Variants in FCAMR observed in about 807,000 individuals in gnomAD.
FCAMR encodes high affinity immunoglobulin alpha and immunoglobulin mu Fc receptor.
FCAMR carries 51 observed loss-of-function variants against 52.2 expected under a neutral mutation model. The observed-to-expected ratio is 0.98, with a 90% CI of 0.78 to 1.23. The LOEUF (loss-of-function observed/expected upper bound fraction) is 1.23. FCAMR is among the 50% of genes most tolerant of loss of function. FCAMR has a pLI of 0.00. For missense variants in FCAMR, 719 were observed against 712.6 expected, an observed-to-expected ratio of 1.01 and a Z score of -0.10; for synonymous variants, 282 against 262.0, an observed-to-expected ratio of 1.08 and a Z score of -0.74.
chr1:206,958,536 C>A lies in FCAMR; in HGVS notation c.1714G>T (p.Glu572Ter). 1 of 1,612,634 alleles carries A rather than the reference C, an allele frequency of 6.2e-7. No individual in the cohort carries two copies. The highest frequency in any genetic ancestry group is 8.5e-7 in the Non-Finnish European group (1 of 1,179,786). ...LPAGASLTAP[E>*]RNPGP ...GTCCCTCAGGGTCCTGGATTTCTCT[C>A]TGGGGCAGTCAGGCTGGCCCCAGCA... The change falls in exon 8 of 8, where the codon GAG becomes TAG. Residue 572 changes from glutamate to a stop codon, truncating the protein, a stop_gained. Transcript: ENST00000324852. LOFTEE classifies it high-confidence loss of function.
At chr1:206,969,375 C>G (rs1321878715) in intron 1 of FCAMR, 1 of 444,488 alleles carries the variant, frequency 2.2e-6, no homozygotes, top group Admixed American at 2.4e-5. Flanking sequence ...GGATAATACT[C>G]AACGGAATGT....
At position 206,960,793 on chromosome 1, in the gene FCAMR, C is replaced by T. The variant is rs1439774977; in HGVS notation, c.1083G>A (p.Gly361=). 5 of 1,552,382 alleles carry T rather than the reference C, an allele frequency of 3.2e-6. No homozygotes were observed. The African/African-American group carries it at 5.5e-5, about 17-fold the overall frequency. Residue 361 remains glycine (G), a synonymous_variant, in exon 6 of 8, where the codon GGG becomes GGA. Transcript: ENST00000324852. ...TGGCTGCATCAAGAGCTATCCTGACCCCCTCTATGTCCTCCCTTGGCCTAT... is the reference window on the plus strand; with the variant it reads ...TGGCTGCATCAAGAGCTATCCTGACTCCCTCTATGTCCTCCCTTGGCCTAT... ...KADRPREDIE[G]VRIALDAAKK... is the part of the protein sequence containing the mutation.
chr1:206,967,154 T>A, intron 2 of FCAMR, 42 bp from the exon 3 acceptor site: 15 of 1,570,026 alleles, frequency 9.6e-6, no homozygotes, highest in African/African-American at 1.4e-5. Flanking sequence ...TGAGAGAAGC[T>A]GGGTGAGGGT....
rs546302574 is a variant in FCAMR at position 206,962,435 on chromosome 1, G to C, written c.430C>G (p.Arg144Gly). 6.2e-7 allele frequency: 1 copy of C among 1,614,098 alleles called. No individual in the cohort carries two copies. Among genetic ancestry groups the C allele is most frequent in the East Asian group, 2.2e-5 (1 of 44,884 alleles). Residue 144 changes from arginine to glycine, a missense_variant, in exon 5 of 8, where the codon CGT becomes GGT. By Grantham distance (125) the Arg-to-Gly change is moderately radical. Transcript: ENST00000324852. ...CAGATCCATCTTGGGGGCCCCAGAC[G>C]GCACCAGTACTTCCTCTGGTGCCTG... The part of the protein sequence containing the change: ...VNRHQRKYWC[R>G]LGPPRWICQT...
chr1:206,963,757 A>T (rs1428184209), intron 4 of FCAMR, among the ~76,000 whole-genome samples: 1 of 152,124 alleles, frequency 6.6e-6, no homozygotes, highest in South Asian at 2.1e-4. Context: ...GACAGTTGTG[A>T]TCTGCCCTTG....
At position 206,962,272 on chromosome 1, in the gene FCAMR, C is replaced by CA. The variant is rs1436984536; in HGVS notation, c.592dup (p.Cys198LeufsTer6). The CA allele has an allele frequency of 8.1e-6, 13 of 1,614,044 alleles. No individual in the cohort carries two copies. The highest frequency in any genetic ancestry group is 1.3e-5 in the African/African-American group (1 of 74,912). On this transcript the variant is annotated frameshift_variant, in exon 5 of 8. Coordinates refer to ENST00000324852, the MANE Select transcript of FCAMR (RefSeq NM_001170631.2). LOFTEE classifies it high-confidence loss of function. ...CATGTTGTTTTCACTTCCAATGCCGCAGAGGTAGCATCCGATGTCATCCGG... is the reference window on the plus strand; with the variant it reads ...CATGTTGTTTTCACTTCCAATGCCGCAAGAGGTAGCATCCGATGTCATCCGG...
chr1:206,960,794 C>T lies in FCAMR; in HGVS notation c.1082G>A (p.Gly361Glu). ...GGCTGCATCAAGAGCTATCCTGACC[C>T]CCTCTATGTCCTCCCTTGGCCTATC... Reference protein sequence around the residue: ...KADRPREDIEGVRIALDAAKK... With the variant: ...KADRPREDIEEVRIALDAAKK... The change falls in exon 6 of 8, where the codon GGG becomes GAG. Residue 361 changes from glycine (G) to glutamate (E), a missense_variant. By Grantham distance (98) the Gly-to-Glu change is moderately conservative (BLOSUM62 -2). Coordinates refer to ENST00000324852, the MANE Select transcript of FCAMR (RefSeq NM_001170631.2). 6.4e-7 allele frequency: 1 copy of T among 1,552,388 alleles called. No individual in the cohort carries two copies. The highest frequency in any genetic ancestry group is 1.2e-5 in the South Asian group (1 of 84,064).
chr1:206,962,299 G>T lies in FCAMR; in HGVS notation c.566C>A (p.Ser189Tyr). The change falls in exon 5 of 8, where the codon TCC becomes TAC. Residue 189 changes from serine to tyrosine, a missense_variant. Physicochemically the swap from Ser to Tyr is moderately radical, Grantham distance 144. Transcript: ENST00000324852. The part of the protein sequence containing the change: ...GLFVVRLSQL[S>Y]PDDIGCYLCG... Reference sequence around the variant, plus strand: ...GAGGTAGCATCCGATGTCATCCGGGGACAGTTGGGACAGCCTCACCACAAA... The same window carrying T: ...GAGGTAGCATCCGATGTCATCCGGGTACAGTTGGGACAGCCTCACCACAAA... 1 of 1,614,178 alleles carries T rather than the reference G, an allele frequency of 6.2e-7. No homozygotes were observed. Among genetic ancestry groups the T allele is most frequent in the Non-Finnish European group, 8.5e-7 (1 of 1,180,036 alleles).
rs1324402875 is a variant in FCAMR, at chr1:206,960,423, G to A, written c.1453C>T (p.Arg485Cys). The A allele has an allele frequency of 1.3e-5, 20 of 1,485,886 alleles. No homozygotes were observed. The highest frequency in any genetic ancestry group is 2.8e-5 in the South Asian group (2 of 71,832). The allele number at this position is 1,485,886 out of a possible 1,614,324, so 92.0% of individuals were successfully genotyped here. The change falls in exon 6 of 8, where the codon CGT becomes TGT. Residue 485 changes from arginine to cysteine, a missense_variant and splice_region_variant. By Grantham distance (180) the Arg-to-Cys change is radical. Coordinates refer to ENST00000324852, the MANE Select transcript of FCAMR (RefSeq NM_001170631.2). ...CCGGGAGAAGGTGCCTGGGGTTACC[G>A]CTTCACGGAGGACTCCTTGCCAGGG... is the stretch of plus-strand genomic sequence containing the variant. ...GPPGKESSVK[R>C]TFPEDESSSR...
At position 206,960,679 on chromosome 1, in the gene FCAMR, C is replaced by T. The variant is rs1395026730; in HGVS notation, c.1197G>A (p.Lys399=). The T allele has an allele frequency of 6.4e-7, 1 of 1,552,122 alleles. No homozygotes were observed. Among genetic ancestry groups the T allele is most frequent in the Non-Finnish European group, 8.7e-7 (1 of 1,147,080 alleles). The change falls in exon 6 of 8, where the codon AAG becomes AAA. Residue 399 remains lysine, a synonymous_variant. Transcript: ENST00000324852. The part of the protein sequence containing the change: ...EILPQATPVS[K]QQSQGSIGET... ...CTCCAATGGAACCCTGAGATTGTTG[C>T]TTAGAAACTGGCGTTGCTTGTGGGA...
intron 4 of FCAMR, among the ~76,000 whole-genome samples, chr1:206,965,035 C>T (rs748037167): frequency 7.4e-4 from 112 of 152,170 alleles, no homozygotes; most frequent in Admixed American, 2.0e-3. Context: ...TGCTGATACT[C>T]ACTGTACGTT....
Position 206,967,595 on chromosome 1 carries a change from T to C in FCAMR, c.96A>G (p.Leu32=). 3 of 1,614,170 alleles carry C rather than the reference T, an allele frequency of 1.9e-6. No individual in the cohort carries two copies. The African/African-American group carries it at 4.0e-5, about 22-fold the overall frequency. Residue 32 remains leucine, a synonymous_variant, in exon 2 of 8, where the codon TTA becomes TTG. Coordinates refer to ENST00000324852, the MANE Select transcript of FCAMR (RefSeq NM_001170631.2). ...VDYSRLIAGT[L]PQSHVTSRRA... ...TTACACAACTTACGTGAGATTGTGG[T>C]AAAGTGCCAGCAATGAGCCTGGAGT... is the stretch of plus-strand genomic sequence containing the variant.
chr1:206,967,085 T>G lies in FCAMR; in HGVS notation c.136A>C (p.Met46Leu). The change falls in exon 3 of 8, where the codon ATG (methionine) becomes CTG (leucine). Residue 46 changes from methionine (M) to leucine (L), a missense_variant. Transcript: ENST00000324852. ...HVTSRRAGWK[M>L]PLFLILCLLQ... is the part of the protein sequence containing the mutation. Reference sequence around the variant, plus strand: ...AGGCACAGTATGAGGAAGAGGGGCATTTTCCATCCCGCCCTCCTGCTGGTG... The same window carrying G: ...AGGCACAGTATGAGGAAGAGGGGCAGTTTCCATCCCGCCCTCCTGCTGGTG... 6.2e-7 allele frequency: 1 copy of G among 1,613,920 alleles called. No individual in the cohort carries two copies. The highest frequency in any genetic ancestry group is 1.3e-5 in the African/African-American group (1 of 74,992).
At chr1:206,959,873 T>C (rs558217811) in intron 6 of FCAMR, 76 bp from the exon 7 acceptor site, 3 of 1,206,824 alleles carry the variant, frequency 2.5e-6, no homozygotes, top group South Asian at 2.4e-5. Context: ...TTTACCCACA[T>C]CCTTACTTTA....
In FCAMR at chr1:206,959,659, C is replaced by T. The variant is rs7554799; in HGVS notation, c.1573+20G>A. 4,576 of 1,599,786 alleles carry T rather than the reference C, an allele frequency of 2.9e-3. 111 individuals are homozygous for T. In the African/African-American group the frequency reaches 0.052, roughly 18 times the overall value. ...GGGAACCAGAACTCTTCTATCTAGC[C>T]TTGGGGCTACTCAACTCACAGGTCC... On this transcript the variant is annotated intron_variant, in intron 7 of 7. Coordinates refer to ENST00000324852, the MANE Select transcript of FCAMR (RefSeq NM_001170631.2).
At chr1:206,967,495 G>T in intron 2 of FCAMR, 88 bp downstream of exon 2, 2 of 1,385,454 alleles carry the variant, frequency 1.4e-6, no homozygotes, top group African/African-American at 1.4e-5. Flanking sequence ...AGTTGGAATT[G>T]TGGGACCTTG....
Position 206,961,040 on chromosome 1 carries a change from T to G in FCAMR, c.836A>C (p.Glu279Ala). The G allele has an allele frequency of 6.4e-7, 1 of 1,551,910 alleles. No individual in the cohort carries two copies. Residue 279 changes from glutamate (E) to alanine (A), a missense_variant, in exon 6 of 8, where the codon GAG becomes GCG. Physicochemically the swap from Glu to Ala is moderately radical, Grantham distance 107. Transcript: ENST00000324852. ...PGTSKTTASAEGRRTPGATRP... is the reference protein window; with the variant it reads ...PGTSKTTASAAGRRTPGATRP... ...GGTTGCTCCTGGGGTTCGTCTTCCCTCAGCTGAAGCTGTAGTCTTGCTGGT... is the reference window on the plus strand; with the variant it reads ...GGTTGCTCCTGGGGTTCGTCTTCCCGCAGCTGAAGCTGTAGTCTTGCTGGT...
chr1:206,960,785 A>G lies in FCAMR; in HGVS notation c.1091T>C (p.Ile364Thr). 1.9e-6 allele frequency: 3 copies of G among 1,552,384 alleles called. No individual in the cohort carries two copies. Among genetic ancestry groups the G allele is most frequent in the Non-Finnish European group, 2.6e-6 (3 of 1,147,140 alleles). ...GACCTTTTTGGCTGCATCAAGAGCT[A>G]TCCTGACCCCCTCTATGTCCTCCCT... ...RPREDIEGVR[I>T]ALDAAKKVLG... Residue 364 changes from isoleucine (I) to threonine (T), a missense_variant, in exon 6 of 8, where the codon ATA becomes ACA. Transcript: ENST00000324852.
intron 1 of FCAMR, chr1:206,969,251 G>A (rs899413934): frequency 6.6e-6 from 3 of 455,856 alleles, no homozygotes; most frequent in African/African-American, 2.0e-5. Flanking sequence ...GAAGTCACCG[G>A]TGCAGCAATC....
Sources: gnomAD v4.1 joint callset for allele counts (sites outside exome capture counted in the v4.1 genomes callset) on GRCh38, gnomAD v4.1.1 for gene constraint, MANE v1.5 for transcripts, NCBI Gene and HGNC (gene_info 2026-07-23, HGNC 2026-07-21) for gene names.